The following ITFG2 variants were observed in gnomAD, a reference collection of about 807,000 sequenced individuals.
The protein encoded by ITFG2 is KICSTOR complex protein ITFG2.
In ITFG2, 36 loss-of-function variants were observed where a neutral mutation model predicts 54.4. The observed-to-expected ratio is 0.66, with a 90% CI of 0.51 to 0.87. The LOEUF (loss-of-function observed/expected upper bound fraction) is 0.87, where lower values mean the gene tolerates loss of function less well. ITFG2 is among the 40% of genes least tolerant of loss of function. ITFG2 has a pLI of 0.00. For missense variants in ITFG2, 524 were observed against 576.7 expected (o/e 0.91, Z 0.94); for synonymous variants, 211 against 225.4 (o/e 0.94, Z 0.57).
At chr12:2,833,987 G>C (rs2098015761), upstream of ITFG2, among the ~76,000 whole-genome samples, 1 of 152,184 alleles carries the variant, frequency 6.6e-6, no homozygotes, top group African/African-American at 2.4e-5. Context: ...GCCTGAATCT[G>C]CAGTTTTCCG....
Position 2,824,488 on chromosome 12 carries a change from C to A in ITFG2, c.*295C>A. ...CAAATCATCTGGGACATGACCCACT[C>A]CCCACTGTCACTGTGTTGAAAACAG... On this transcript the variant is annotated 3_prime_UTR_variant, in exon 12 of 12. Transcript: ENST00000228799. 1 of 421,062 alleles carries A rather than the reference C, an allele frequency of 2.4e-6. No individual in the cohort carries two copies. The highest frequency in any genetic ancestry group is 4.5e-6 in the Non-Finnish European group (1 of 222,990). The allele number at this position is 421,062 out of a possible 1,614,324, so 26.1% of individuals were successfully genotyped here.
intron 3 of ITFG2, chr12:2,858,960 A>C (rs754379620): frequency 6.8e-6 from 11 of 1,613,422 alleles, no homozygotes; most frequent in African/African-American, 1.3e-5. Context: ...GCTGAGATCC[A>C]TCAGCCCCAG....
At chr12:2,831,236 C>T (rs1270353777), downstream of ITFG2, among the ~76,000 whole-genome samples, 1 of 151,080 alleles carries the variant, frequency 6.6e-6, no homozygotes, top group East Asian at 1.9e-4. Flanking sequence ...CTGACCTCAT[C>T]CTTCAATGGG....
chr12:2,846,676 TG>T (rs2098054226), intron 2 of ITFG2, among the ~76,000 whole-genome samples: 1 of 151,822 alleles, frequency 6.6e-6, no homozygotes, highest in African/African-American at 2.4e-5. Flanking sequence ...GTGAGGAGAT[TG>T]GGTAAATTCC....
intron 5 of ITFG2, among the ~76,000 whole-genome samples, chr12:2,820,455 G>A (rs1183853708): frequency 1.3e-5 from 2 of 152,152 alleles, no homozygotes; most frequent in African/African-American, 4.8e-5. Context: ...GAAGGTAGGT[G>A]TGGAGTGGGC....
intron 2 of ITFG2, among the ~76,000 whole-genome samples, chr12:2,849,853 T>C (rs1284068465): frequency 2.0e-5 from 3 of 152,236 alleles, no homozygotes; most frequent in Non-Finnish European, 2.9e-5. Context: ...TTTCCACTAA[T>C]GCAGTGACAG....
chr12:2,812,878 GAGAC>G, intron 1 of ITFG2, 22 bp downstream of exon 1: 1 of 1,590,050 alleles, frequency 6.3e-7, no homozygotes, highest in African/African-American at 1.3e-5. Flanking sequence ...CGCACCGCAA[GAGAC>G]AGCCTGGATC....
intron 2 of ITFG2, among the ~76,000 whole-genome samples, chr12:2,856,253 T>C (rs1426008336): frequency 6.6e-6 from 1 of 152,202 alleles, no homozygotes; most frequent in Non-Finnish European, 1.5e-5. Flanking sequence ...CTGTCTGTGC[T>C]CTTGCTTGGC....
intron 2 of ITFG2, chr12:2,830,217 A>T (rs893899745): frequency 6.6e-6 from 1 of 152,430 alleles, no homozygotes; most frequent in Admixed American, 6.5e-5. Flanking sequence ...TTGCTTGCAG[A>T]ATGCGGACCC....
intron 1 of ITFG2, among the ~76,000 whole-genome samples, chr12:2,813,222 A>G (rs1413904055): frequency 6.6e-6 from 1 of 152,158 alleles, no homozygotes; most frequent in Non-Finnish European, 1.5e-5. Context: ...TTTTTAGTAG[A>G]GGTGGGGTTT....
intron 2 of ITFG2, chr12:2,830,492 G>T: frequency 4.0e-6 from 2 of 499,010 alleles, no homozygotes; most frequent in Non-Finnish European, 7.1e-6. Context: ...AGGAAGGGGG[G>T]CAGAGTAATG....
At chr12:2,819,949 G>A (rs2097937351) in intron 4 of ITFG2, 137 bp from the exon 5 acceptor site, 9 of 1,100,446 alleles carry the variant, frequency 8.2e-6, no homozygotes, top group African/African-American at 3.2e-5. Flanking sequence ...AGGCAGGGGC[G>A]GGGGCAGACT....
upstream of ITFG2, among the ~76,000 whole-genome samples, chr12:2,836,560 C>T (rs924770621): frequency 6.6e-6 from 1 of 152,216 alleles, no homozygotes; most frequent in Non-Finnish European, 1.5e-5. Flanking sequence ...GTATTCTAAT[C>T]CCCATTTAGA....
intron 3 of ITFG2, chr12:2,858,814 C>G (rs778481065): frequency 1.2e-6 from 2 of 1,614,154 alleles, no homozygotes; most frequent in South Asian, 1.1e-5. Context: ...ACCTGTGGCT[C>G]CGGGGAGCCT....
rs1040553319 is a variant in ITFG2, at chr12:2,845,368, C to T, written n.300+4373C>T. ...AACCCTGGCAGGGCATGACTGGCAA[C>T]GTGGGTGGCCCTGTATGGTCCCCCA... On this transcript the variant is annotated intron_variant and non_coding_transcript_variant, in intron 2 of 3. Coordinates refer to the ITFG2 transcript ENST00000537710. This position sits in a 1 kb window ranked among gnomAD's most constrained non-coding sequence, Gnocchi z 4.2. Among the ~76,000 whole-genome samples, 3 of 152,074 alleles carry T rather than the reference C, an allele frequency of 2.0e-5. No homozygotes were observed. Among genetic ancestry groups the T allele is most frequent in the African/African-American group, 7.2e-5 (3 of 41,420 alleles).
chr12:2,833,167 G>A (rs537894489), upstream of ITFG2, among the ~76,000 whole-genome samples: 35 of 152,076 alleles, frequency 2.3e-4, no homozygotes, highest in African/African-American at 8.2e-4. Context: ...TGAAAAGCCC[G>A]GGACTTTCTC....
chr12:2,818,316 G>C (rs768821581), intron 4 of ITFG2, 39 bp downstream of exon 4: 101 of 1,604,984 alleles, frequency 6.3e-5, no homozygotes, highest in Non-Finnish European at 8.2e-5. Context: ...AGGAGAGTAG[G>C]AGTCAGTGGA....
At chr12:2,818,375 CATGT>C (rs759714684) in intron 4 of ITFG2, 98 bp downstream of exon 4, 4 of 1,556,836 alleles carry the variant, frequency 2.6e-6, no homozygotes, top group Non-Finnish European at 3.5e-6. Context: ...AATCCGTATT[CATGT>C]ATGCATTTGT....
Position 2,817,268 on chromosome 12 carries a change from T to C in ITFG2, c.142T>C (p.Tyr48His). Residue 48 changes from tyrosine (Y) to histidine (H), a missense_variant, in exon 2 of 12, where the codon TAT (tyrosine) becomes CAT (histidine). Coordinates refer to ENST00000228799, the MANE Select transcript of ITFG2 (RefSeq NM_018463.4). Reference sequence around the variant, plus strand: ...AGACACCAGCGGGAAGGTGTCTGTGTATAAAAATGATGACAGTCGGCCATG... The same window carrying C: ...AGACACCAGCGGGAAGGTGTCTGTGCATAAAAATGATGACAGTCGGCCATG... ...VGDTSGKVSV[Y>H]KNDDSRPWLT... 1 of 1,614,040 alleles carries C rather than the reference T, an allele frequency of 6.2e-7. No homozygotes were observed. The highest frequency in any genetic ancestry group is 8.5e-7 in the Non-Finnish European group (1 of 1,179,968).
Sources: gnomAD v4.1 joint callset for allele counts (sites outside exome capture counted in the v4.1 genomes callset) on GRCh38, gnomAD v4.1.1 for gene constraint, Gnocchi (gnomAD v3.1) non-coding constraint, MANE v1.5 for transcripts, NCBI Gene and HGNC (gene_info 2026-07-23, HGNC 2026-07-21) for gene names.